SCLT1: variants seen among roughly 807,000 people sequenced by gnomAD.
The protein encoded by SCLT1 is sodium channel-associated protein 1.
Under a neutral mutation model 112.8 loss-of-function variants are expected in SCLT1, and 78 were observed. The ratio of observed to expected loss-of-function variants is 0.69; its 90% CI spans 0.58 to 0.83. The LOEUF (loss-of-function observed/expected upper bound fraction) is 0.83. SCLT1 is among the 40% of genes least tolerant of loss of function. The pLI is 0.00. For synonymous variants in SCLT1, 257 were observed against 254.7 expected, an observed-to-expected ratio of 1.01 and a Z score of -0.09; for missense variants, 747 against 770.4, an observed-to-expected ratio of 0.97 and a Z score of 0.36.
intron 5 of SCLT1, among the ~76,000 whole-genome samples, chr4:129,035,929 ACT>A (rs1747142773): frequency 6.6e-6 from 1 of 151,900 alleles, no homozygotes; most frequent in African/African-American, 2.4e-5. Flanking sequence ...CAGATAGTAT[ACT>A]CTGATATGTA....
intron 2 of SCLT1, among the ~76,000 whole-genome samples, chr4:129,081,385 C>T (rs1264960044): frequency 1.3e-5 from 2 of 152,188 alleles, no homozygotes; most frequent in Admixed American, 6.5e-5. Context: ...TATTCTGTCT[C>T]TTTGTAACTC....
chr4:128,928,852 A>T (rs1307407937), intron 18 of SCLT1, among the ~76,000 whole-genome samples: 2 of 152,062 alleles, frequency 1.3e-5, no homozygotes, highest in East Asian at 1.9e-4. Context: ...AAAAAAATTA[A>T]TATTTGTGAT....
chr4:128,888,011 C>T (rs1362255551), intron 20 of SCLT1, among the ~76,000 whole-genome samples: 1 of 152,080 alleles, frequency 6.6e-6, no homozygotes, highest in Non-Finnish European at 1.5e-5. Context: ...TGTAACAGAA[C>T]TTTTTGTTAT....
At chr4:128,970,496 C>T (rs767725869) in intron 9 of SCLT1, 28 bp from the exon 10 acceptor site, 7 of 1,205,790 alleles carry the variant, frequency 5.8e-6, no homozygotes, top group Middle Eastern at 1.9e-4. Context: ...TTAATAAACA[C>T]TGTTTTCATA....
chr4:129,056,276 C>A (rs1274650666), intron 2 of SCLT1, among the ~76,000 whole-genome samples: 1 of 152,184 alleles, frequency 6.6e-6, no homozygotes, highest in Non-Finnish European at 1.5e-5. Flanking sequence ...CTTAAAGAGA[C>A]TGTCCAATCC....
chr4:129,071,963 G>T (rs1199293545), intron 2 of SCLT1, among the ~76,000 whole-genome samples: 1 of 152,102 alleles, frequency 6.6e-6, no homozygotes, highest in Non-Finnish European at 1.5e-5. Flanking sequence ...CCAAGTTTTG[G>T]TTCTAAGATT....
chr4:129,035,958 T>G (rs1360425059), intron 5 of SCLT1, among the ~76,000 whole-genome samples: 1 of 151,924 alleles, frequency 6.6e-6, no homozygotes, highest in Non-Finnish European at 1.5e-5. Context: ...AGTATTAAAA[T>G]TTTTCCAAAA....
At chr4:129,078,237 A>T (rs561429559) in intron 2 of SCLT1, among the ~76,000 whole-genome samples, 1 of 152,256 alleles carries the variant, frequency 6.6e-6, no homozygotes. Context: ...AGCTTTAATT[A>T]GTATAATCAC....
downstream of SCLT1, among the ~76,000 whole-genome samples, chr4:128,879,787 T>C (rs1247049164): frequency 6.6e-6 from 1 of 152,208 alleles, no homozygotes; most frequent in East Asian, 1.9e-4. Context: ...ACTTCTCTTA[T>C]TCTCTTTTAT....
At chr4:128,997,647 C>T (rs1743124177) in intron 8 of SCLT1, among the ~76,000 whole-genome samples, 1 of 151,786 alleles carries the variant, frequency 6.6e-6, no homozygotes, top group Non-Finnish European at 1.5e-5. Flanking sequence ...GGAGACCTTA[C>T]TAAGAATCCT....
downstream of SCLT1, among the ~76,000 whole-genome samples, chr4:128,882,070 G>T (rs1232976364): frequency 6.6e-6 from 1 of 152,096 alleles, no homozygotes; most frequent in Non-Finnish European, 1.5e-5. Context: ...TGGAAAGTTA[G>T]ATTTTTTTGA....
At chr4:129,026,922 C>A (rs1193857829) in intron 5 of SCLT1, among the ~76,000 whole-genome samples, 2 of 152,114 alleles carry the variant, frequency 1.3e-5, no homozygotes, top group Non-Finnish European at 2.9e-5. Flanking sequence ...ACTACAAACA[C>A]CTCTATGCAA....
intron 20 of SCLT1, among the ~76,000 whole-genome samples, chr4:128,885,032 T>C (rs1274792439): frequency 6.6e-6 from 1 of 152,184 alleles, no homozygotes; most frequent in African/African-American, 2.4e-5. Context: ...AATAAGACAT[T>C]CTATAGCTCA....
At chr4:128,885,786 C>G (rs1732849545) in intron 20 of SCLT1, among the ~76,000 whole-genome samples, 1 of 152,120 alleles carries the variant, frequency 6.6e-6, no homozygotes, top group African/African-American at 2.4e-5. Flanking sequence ...TGTGAAAGTG[C>G]CAGCACAATG....
In SCLT1 at chr4:128,959,794, A is replaced by G; in HGVS notation, c.870-17T>C. 6.2e-7 allele frequency: 1 copy of G among 1,604,842 alleles called. No homozygotes were observed. The highest frequency in any genetic ancestry group is 8.5e-7 in the Non-Finnish European group (1 of 1,173,890). Reference sequence around the variant, plus strand: ...ACACATAATCTAGAAATCAATAATTACACTGGGAAAGTTAAACTTTTTTAA... The same window carrying G: ...ACACATAATCTAGAAATCAATAATTGCACTGGGAAAGTTAAACTTTTTTAA... On this transcript the variant is annotated splice_polypyrimidine_tract_variant and intron_variant, in intron 11 of 20. Transcript: ENST00000281142.
At position 129,003,731 on chromosome 4, in the gene SCLT1, T is replaced by G. The variant is rs1242550805; in HGVS notation, c.426+10A>C. On this transcript the variant is annotated intron_variant, in intron 6 of 20. Coordinates refer to ENST00000281142, the MANE Select transcript of SCLT1 (RefSeq NM_144643.4). Reference sequence around the variant, plus strand: ...TCAGAATATAATTTTTAAAAATACATGTCACTCACTTGATTGGCTAGCTGC... The same window carrying G: ...TCAGAATATAATTTTTAAAAATACAGGTCACTCACTTGATTGGCTAGCTGC... 1 of 1,585,538 alleles carries G rather than the reference T, an allele frequency of 6.3e-7. No homozygotes were observed. The highest frequency in any genetic ancestry group is 1.4e-5 in the African/African-American group (1 of 73,794).
chr4:128,878,121 G>A (rs1286382834), intron 3 of SCLT1, among the ~76,000 whole-genome samples: 1 of 152,034 alleles, frequency 6.6e-6, no homozygotes, highest in African/African-American at 2.4e-5. Context: ...TTAAAGCTAC[G>A]TAAAACCTCC....
downstream of SCLT1, among the ~76,000 whole-genome samples, chr4:128,882,696 A>G (rs1732669437): frequency 6.6e-6 from 1 of 152,166 alleles, no homozygotes; most frequent in African/African-American, 2.4e-5. Flanking sequence ...AAAATATTCC[A>G]AAAAGAAAGA....
intron 5 of SCLT1, among the ~76,000 whole-genome samples, chr4:129,027,742 T>C (rs1307447247): frequency 1.8e-4 from 28 of 152,206 alleles, no homozygotes; most frequent in Admixed American, 1.7e-3. Context: ...AAATTGTCCC[T>C]GTTTGCAGAT....
Sources: gnomAD v4.1 joint callset for allele counts (sites outside exome capture counted in the v4.1 genomes callset) on GRCh38, gnomAD v4.1.1 for gene constraint, MANE v1.5 for transcripts, NCBI Gene and HGNC (gene_info 2026-07-23, HGNC 2026-07-21) for gene names.